Variants in THSD4 observed in about 807,000 individuals in gnomAD.
THSD4 encodes thrombospondin type-1 domain-containing protein 4.
THSD4 carries 69 observed loss-of-function variants against 119.0 expected under a neutral mutation model. The ratio of observed to expected loss-of-function variants is 0.58; its 90% confidence interval spans 0.48 to 0.71. The LOEUF is 0.71. Among genes scored for constraint, THSD4 ranks in the 30% least tolerant of loss-of-function variants. The pLI is 0.00. For synonymous variants in THSD4, 524 were observed against 540.4 expected (o/e 0.97, Z 0.42); for missense variants, 1,393 against 1,391.1 (o/e 1.00, Z -0.02).
At chr15:71,448,060 T>A (rs910419665) in intron 7 of THSD4, among the ~76,000 whole-genome samples, 6 of 152,240 alleles carry the variant, frequency 3.9e-5, no homozygotes, top group Non-Finnish European at 5.9e-5. Context: ...GATCTGGTTT[T>A]ACGGGACAAT....
chr15:71,457,025 C>T (rs930263301), intron 7 of THSD4, among the ~76,000 whole-genome samples: 2 of 152,096 alleles, frequency 1.3e-5, no homozygotes, highest in African/African-American at 4.8e-5. Flanking sequence ...TGAACTTTGT[C>T]TCATGAACAT....
intron 7 of THSD4, among the ~76,000 whole-genome samples, chr15:71,470,781 G>A (rs976519671): frequency 2.0e-5 from 3 of 151,946 alleles, no homozygotes; most frequent in African/African-American, 4.8e-5. Context: ...GACTACAGGC[G>A]CCCGCCACCG....
In THSD4 at chr15:71,692,956, TAAGG is replaced by T. The variant is rs549350421; in HGVS notation, c.1357+32226_1357+32229del. ...TCCAAGTGGGCAAAGAATAATAACT[TAAGG>T]AAGAGCAGTTTCCTAAACAGATGAG... On this transcript the variant is annotated intron_variant, in intron 8 of 17. Transcript: ENST00000261862. Among the ~76,000 whole-genome samples the T allele has an allele frequency of 8.4e-5, 10 of 119,746 alleles. No individual in the cohort carries two copies. In the South Asian group the frequency reaches 2.3e-3, roughly 27 times the overall value. The allele number at this position is 119,746 out of a possible 152,430, so 78.6% of individuals were successfully genotyped here. A position where few individuals can be genotyped will look rare whatever the true frequency, so the allele number is the denominator to read the frequency against.
chr15:71,771,087 C>T lies in THSD4; in HGVS notation c.2793C>T (p.Gly931=). 1 of 1,614,118 alleles carries T rather than the reference C, an allele frequency of 6.2e-7. No homozygotes were observed. ...AGTGTTCCAAGAGCTGCCAGGGTGGCTTTCGGGTCCGGGAAGTGCGGTGTC... is the reference window on the plus strand; with the variant it reads ...AGTGTTCCAAGAGCTGCCAGGGTGGTTTTCGGGTCCGGGAAGTGCGGTGTC... The part of the protein sequence containing the change: ...WSMCSKSCQG[G]FRVREVRCLS... Residue 931 remains glycine (G), a synonymous_variant, in exon 17 of 18, where the codon GGC becomes GGT. Coordinates refer to ENST00000261862, the MANE Select transcript of THSD4 (RefSeq NM_024817.3).
At chr15:71,301,197 A>G (rs2044944141) in intron 6 of THSD4, among the ~76,000 whole-genome samples, 1 of 152,202 alleles carries the variant, frequency 6.6e-6, no homozygotes, top group African/African-American at 2.4e-5. Context: ...TTCACCACTC[A>G]GAAATAACTT....
At chr15:71,442,972 A>G (rs1249574821) in intron 7 of THSD4, among the ~76,000 whole-genome samples, 2 of 151,742 alleles carry the variant, frequency 1.3e-5, no homozygotes, top group African/African-American at 4.8e-5. Context: ...GAACCCTCCG[A>G]TAAACCATGA....
At chr15:71,170,921 G>A (rs2043354870) in intron 3 of THSD4, among the ~76,000 whole-genome samples, 1 of 152,028 alleles carries the variant, frequency 6.6e-6, no homozygotes, top group Non-Finnish European at 1.5e-5. Flanking sequence ...TGGGATTAAT[G>A]GCAGATTAGA....
intron 4 of THSD4, among the ~76,000 whole-genome samples, chr15:71,235,078 A>G (rs542075546): frequency 6.6e-6 from 1 of 152,316 alleles, no homozygotes; most frequent in South Asian, 2.1e-4. Flanking sequence ...GGCAAAAAGC[A>G]TTTCCCTTGA....
Position 71,242,641 on chromosome 15 carries a change from C to G in THSD4, c.465-8C>G, listed in dbSNP as rs764606425. On this transcript the variant is annotated splice_region_variant and splice_polypyrimidine_tract_variant and intron_variant, in intron 4 of 17. Transcript: ENST00000261862. ...TGATCATCTCCTCTCTTGTCTATCT[C>G]TCTTTAGGAGCAGGACCCGTGGTAC... is the stretch of plus-strand genomic sequence containing the variant. 1.9e-6 allele frequency: 3 copies of G among 1,611,894 alleles called. No homozygotes were observed. In the African/African-American group the frequency reaches 4.0e-5, roughly 22 times the overall value.
chr15:71,359,272 C>G (rs12101445), intron 6 of THSD4, among the ~76,000 whole-genome samples: 21,871 of 152,078 alleles, frequency 0.14, 1,615 homozygotes, highest in South Asian at 0.21. Context: ...CTTTTCTGAC[C>G]CCCATTGCAT....
rs908746870 is a variant in THSD4 at position 71,310,801 on chromosome 15, A to G, written c.1015+54086A>G. On this transcript the variant is annotated intron_variant, in intron 6 of 17. Coordinates refer to ENST00000261862, the MANE Select transcript of THSD4 (RefSeq NM_024817.3). ...TGGTTTCTATGACCCACCTGGGAGA[A>G]GAGGGATTCACTTTCTCTGTCTAGC... Among the ~76,000 whole-genome samples, 3 of 152,312 alleles carry G rather than the reference A, an allele frequency of 2.0e-5. No homozygotes were observed. The East Asian group carries it at 5.8e-4, about 29-fold the overall frequency.
chr15:71,682,817 A>G (rs116493675), intron 8 of THSD4, among the ~76,000 whole-genome samples: 3 of 147,742 alleles, frequency 2.0e-5, no homozygotes, highest in Non-Finnish European at 4.5e-5. Context: ...TTAAAATGTG[A>G]TTTAGTATCT....
chr15:71,671,652 A>G (rs1443484653), intron 8 of THSD4, among the ~76,000 whole-genome samples: 1 of 152,170 alleles, frequency 6.6e-6, no homozygotes, highest in Non-Finnish European at 1.5e-5. Context: ...TCTTGAATTA[A>G]TTTTTGTATA....
chr15:71,478,172 C>T (rs1182110347), intron 7 of THSD4, among the ~76,000 whole-genome samples: 2 of 152,086 alleles, frequency 1.3e-5, no homozygotes, highest in Non-Finnish European at 2.9e-5. Flanking sequence ...CAAGTGAGGC[C>T]GTTTTGGTTC....
intron 3 of THSD4, among the ~76,000 whole-genome samples, chr15:71,195,272 C>T (rs541915873): frequency 6.6e-6 from 1 of 152,200 alleles, no homozygotes; most frequent in East Asian, 1.9e-4. Context: ...ATAAGTCAAT[C>T]CTAGGAAGGG....
At chr15:71,579,520 T>A (rs1252551123) in intron 7 of THSD4, among the ~76,000 whole-genome samples, 1 of 152,230 alleles carries the variant, frequency 6.6e-6, no homozygotes, top group African/African-American at 2.4e-5. Context: ...TTTCTCAGCC[T>A]TAGTTAACAC....
intron 7 of THSD4, among the ~76,000 whole-genome samples, chr15:71,442,061 C>G (rs1486965508): frequency 1.3e-5 from 2 of 152,078 alleles, no homozygotes; most frequent in Admixed American, 1.3e-4. Flanking sequence ...CGGGTTCAAG[C>G]GATCCCCCTG....
At chr15:71,497,378 T>C (rs2048036419) in intron 7 of THSD4, among the ~76,000 whole-genome samples, 1 of 152,030 alleles carries the variant, frequency 6.6e-6, no homozygotes, top group Non-Finnish European at 1.5e-5. Context: ...TTGGGTGTGA[T>C]GGTGTGTGCC....
chr15:71,763,747 C>T (rs1003170876), intron 15 of THSD4, among the ~76,000 whole-genome samples: 3 of 151,778 alleles, frequency 2.0e-5, no homozygotes, highest in East Asian at 3.9e-4. Flanking sequence ...GCCTGGCCCC[C>T]GTCTCTAAAA....
Sources: allele counts gnomAD v4.1 joint callset (sites outside exome capture counted in the v4.1 genomes callset), GRCh38; gene constraint gnomAD v4.1.1; transcripts MANE v1.5; gene names NCBI Gene and HGNC (gene_info 2026-07-23, HGNC 2026-07-21).